Variants in ERCC5 observed in about 807,000 individuals in gnomAD.
ERCC5 encodes DNA excision repair protein ERCC-5.
In ERCC5, 68 loss-of-function variants were observed where a neutral mutation model predicts 105.6. The ratio of observed to expected loss-of-function variants is 0.64; its 90% confidence interval spans 0.53 to 0.79. The LOEUF (loss-of-function observed/expected upper bound fraction) is 0.79. ERCC5 is among the 30% of genes least tolerant of loss of function. The probability of loss-of-function intolerance (pLI) is 0.00; values close to 1 mark genes in which losing one functional copy is unlikely to be tolerated. For missense variants in ERCC5, 1,373 were observed against 1,426.7 expected (o/e 0.96, Z 0.61); for synonymous variants, 546 against 526.2 (o/e 1.04, Z -0.51).
intron 1 of ERCC5, chr13:102,849,145 G>A (rs767550930): frequency 7.7e-6 from 4 of 518,862 alleles, no homozygotes; most frequent in Non-Finnish European, 1.2e-5. Flanking sequence ...CAGAAACATC[G>A]ATCTAATACA....
intron 11 of ERCC5, among the ~76,000 whole-genome samples, chr13:102,867,617 C>T (rs996326757): frequency 5.9e-5 from 9 of 152,104 alleles, no homozygotes; most frequent in African/African-American, 2.2e-4. Flanking sequence ...TGAAACCCAC[C>T]AGGGTCTGGT....
intron 8 of ERCC5, among the ~76,000 whole-genome samples, chr13:102,864,411 T>C (rs182715257): frequency 2.0e-3 from 304 of 152,326 alleles, no homozygotes; most frequent in Non-Finnish European, 3.7e-3. Context: ...CATCCTCCTA[T>C]GAGGAAGATC....
chr13:102,852,089 G>A (rs896844029), intron 1 of ERCC5, 29 bp from the exon 2 acceptor site: 18 of 1,612,940 alleles, frequency 1.1e-5, no homozygotes, highest in Admixed American at 3.3e-5. Flanking sequence ...GAAAAATCCC[G>A]GAGTTTTTTC....
At chr13:102,850,146 G>A (rs1206781478) in intron 1 of ERCC5, among the ~76,000 whole-genome samples, 2 of 152,098 alleles carry the variant, frequency 1.3e-5, no homozygotes, top group Non-Finnish European at 1.5e-5. Context: ...GGATGGTCTC[G>A]ATCTCCTGAC....
rs1881949285 is a variant in ERCC5 at position 102,846,192 on chromosome 13, A to G, written c.-75A>G. Reference sequence around the variant, plus strand: ...AGGGAGGGCTTCCTCCCGGGGTCCTAGGCGGCGGTGCAGTCCGTCGTAGAA... The same window carrying G: ...AGGGAGGGCTTCCTCCCGGGGTCCTGGGCGGCGGTGCAGTCCGTCGTAGAA... On this transcript the variant is annotated 5_prime_UTR_variant, in exon 1 of 15. Coordinates refer to ENST00000652225, the MANE Select transcript of ERCC5 (RefSeq NM_000123.4). 4 of 1,287,442 alleles carry G rather than the reference A, an allele frequency of 3.1e-6. No individual in the cohort carries two copies. Among genetic ancestry groups the G allele is most frequent in the African/African-American group, 1.5e-5 (1 of 68,112 alleles). 79.8% of individuals were successfully genotyped at this position (1,287,442 alleles called of 1,614,324 possible).
chr13:102,852,783 A>G (rs887952239), intron 2 of ERCC5, among the ~76,000 whole-genome samples: 1 of 152,210 alleles, frequency 6.6e-6, no homozygotes, highest in Admixed American at 6.5e-5. Context: ...ATTGACCATG[A>G]TATAGAAGAG....
chr13:102,874,756 G>A (rs997488495), intron 14 of ERCC5: 18 of 153,630 alleles, frequency 1.2e-4, no homozygotes, highest in East Asian at 5.8e-4. Flanking sequence ...ATCTGACCTC[G>A]TGATCCACCC....
At chr13:102,861,287 C>G (rs1273084924) in intron 6 of ERCC5, among the ~76,000 whole-genome samples, 1 of 152,064 alleles carries the variant, frequency 6.6e-6, no homozygotes, top group Non-Finnish European at 1.5e-5. Flanking sequence ...CCGCACCTGG[C>G]CATAGTATTC....
chr13:102,855,957 T>C, intron 4 of ERCC5, 95 bp from the exon 5 acceptor site: 3 of 1,251,860 alleles, frequency 2.4e-6, no homozygotes, highest in Middle Eastern at 1.9e-4. Flanking sequence ...TATTCACCAC[T>C]GTAGCCCGTA....
intron 14 of ERCC5, 70 bp downstream of exon 14, chr13:102,873,413 C>CAACT: frequency 6.5e-7 from 1 of 1,542,934 alleles, no homozygotes. Flanking sequence ...TGTTAAAGAC[C>CAACT]AGTTAACTCT....
At chr13:102,858,516 T>C (rs1882507120) in intron 6 of ERCC5, 98 bp downstream of exon 6, 20 of 1,524,038 alleles carry the variant, frequency 1.3e-5, no homozygotes, top group Non-Finnish European at 1.7e-5. Flanking sequence ...ACTTACACGA[T>C]ATCTCAGTTA....
chr13:102,854,836 G>A (rs1019222937), intron 4 of ERCC5, among the ~76,000 whole-genome samples: 1 of 152,012 alleles, frequency 6.6e-6, no homozygotes, highest in Non-Finnish European at 1.5e-5. Context: ...CCGCTCCCCC[G>A]GCATCTCTCT....
chr13:102,866,545 AC>A, intron 10 of ERCC5, 86 bp from the exon 11 acceptor site: 1 of 1,599,426 alleles, frequency 6.3e-7, no homozygotes, highest in Admixed American at 1.7e-5. Context: ...TGAATGCATT[AC>A]ATGAAGTGGT....
intron 1 of ERCC5, among the ~76,000 whole-genome samples, chr13:102,848,868 T>C (rs1998875): frequency 0.58 from 88,658 of 152,002 alleles, 26,645 homozygotes; most frequent in African/African-American, 0.66. Flanking sequence ...AGAATTGGCA[T>C]TACCTGTAGT....
rs148782406 is a variant in ERCC5 at position 102,875,834 on chromosome 13, C to A, written c.3492C>A (p.Thr1164=). 8.8e-5 allele frequency: 142 copies of A among 1,612,910 alleles called. No individual in the cohort carries two copies. Among genetic ancestry groups the A allele is most frequent in the Non-Finnish European group, 1.2e-4 (137 of 1,179,944 alleles). ...GGAAAGAGAAGATGGTCCTCGTGAC[C>A]GCCAGATCTGTGTTTGGGAAGAAAA... The part of the protein sequence containing the change: ...DGGKEKMVLV[T]ARSVFGKKRR... The change falls in exon 15 of 15, where the codon ACC becomes ACA. Residue 1164 remains threonine (T), a synonymous_variant. Transcript: ENST00000652225.
chr13:102,848,445 C>A (rs1213487952), intron 1 of ERCC5, among the ~76,000 whole-genome samples: 1 of 152,134 alleles, frequency 6.6e-6, no homozygotes, highest in Non-Finnish European at 1.5e-5. Flanking sequence ...TCAAATAATG[C>A]AGAAGTAAGT....
chr13:102,866,675 T>C lies in ERCC5; in HGVS notation c.2363T>C (p.Met788Thr), dbSNP rs1882853179. The C allele has an allele frequency of 5.0e-6, 8 of 1,614,074 alleles. No individual in the cohort carries two copies. Among genetic ancestry groups the C allele is most frequent in the African/African-American group, 1.3e-5 (1 of 75,062 alleles). ...LFGIPYIQAP[M>T]EAEAQCAILD... Reference sequence around the variant, plus strand: ...GGCATTCCCTACATCCAGGCTCCCATGGAAGCAGAGGCGCAGTGCGCCATC... The same window carrying C: ...GGCATTCCCTACATCCAGGCTCCCACGGAAGCAGAGGCGCAGTGCGCCATC... Residue 788 changes from methionine to threonine, a missense_variant, in exon 11 of 15, where the codon ATG (methionine) becomes ACG (threonine). Met to Thr is a moderately conservative substitution (Grantham distance 81, BLOSUM62 -1). Coordinates refer to ENST00000652225, the MANE Select transcript of ERCC5 (RefSeq NM_000123.4).
At chr13:102,866,424 A>AC in intron 10 of ERCC5, 43 bp downstream of exon 10, 1 of 1,613,838 alleles carries the variant, frequency 6.2e-7, no homozygotes, top group East Asian at 2.2e-5. Context: ...CCTTCTTCAG[A>AC]CCCCTGGGGG....
chr13:102,850,232 T>C (rs1202775336), intron 1 of ERCC5, among the ~76,000 whole-genome samples: 1 of 152,144 alleles, frequency 6.6e-6, no homozygotes, highest in Non-Finnish European at 1.5e-5. Flanking sequence ...GGCCTCAATA[T>C]ATTTTTTAAA....
Sources: gnomAD v4.1 joint callset for allele counts (sites outside exome capture counted in the v4.1 genomes callset) on GRCh38, gnomAD v4.1.1 for gene constraint, MANE v1.5 for transcripts, NCBI Gene and HGNC (gene_info 2026-07-23, HGNC 2026-07-21) for gene names.